YWHAE: variants seen among roughly 807,000 people sequenced by gnomAD.
YWHAE encodes the protein tyrosine 3-monooxygenase/tryptophan 5-monooxygenase activation protein epsilon, also known as 14-3-3 protein epsilon.
A neutral mutation model predicts 30.1 loss-of-function variants in YWHAE; 4 were observed. The ratio of observed to expected loss-of-function variants is 0.13; its 90% CI spans 0.07 to 0.30. YWHAE has a LOEUF of 0.30. Ranked by LOEUF, YWHAE falls within the 10% of genes least tolerant of loss-of-function variation. YWHAE has a pLI of 1.00. For missense variants in YWHAE, 121 were observed against 315.9 expected, an observed-to-expected ratio of 0.38 and a Z score of 4.68; for synonymous variants, 118 against 111.8, an observed-to-expected ratio of 1.06 and a Z score of -0.35.
At chr17:1,368,556 T>A (rs555115033) in intron 1 of YWHAE, among the ~76,000 whole-genome samples, 1 of 75,180 alleles carries the variant, frequency 1.3e-5, no homozygotes, top group South Asian at 5.6e-4. Flanking sequence ...AGAGTGAGAC[T>A]CTGTCTCAAA....
intron 1 of YWHAE, among the ~76,000 whole-genome samples, chr17:1,391,076 T>C (rs1270907130): frequency 6.6e-6 from 1 of 151,164 alleles, no homozygotes; most frequent in African/African-American, 2.4e-5. Flanking sequence ...CTAGGTCTAT[T>C]ATATTTTTAA....
intron 1 of YWHAE, among the ~76,000 whole-genome samples, chr17:1,397,264 G>A (rs1451296293): frequency 6.6e-6 from 1 of 152,134 alleles, no homozygotes; most frequent in Admixed American, 6.6e-5. Context: ...GAAATGCTAA[G>A]AAATAATGGA....
chr17:1,371,683 T>C (rs2073045125), intron 1 of YWHAE, among the ~76,000 whole-genome samples: 1 of 150,100 alleles, frequency 6.7e-6, no homozygotes, highest in African/African-American at 2.5e-5. Flanking sequence ...CTGACTTCTC[T>C]CTAGTTAAGT....
At chr17:1,364,260 T>C (rs1324143761) in intron 2 of YWHAE, among the ~76,000 whole-genome samples, 1 of 150,872 alleles carries the variant, frequency 6.6e-6, no homozygotes, top group East Asian at 1.9e-4. Context: ...AGTCTCGCGC[T>C]CTGTCACCCA....
chr17:1,354,971 T>TTGTTG (rs1221955052), intron 4 of YWHAE, among the ~76,000 whole-genome samples: 2 of 48,866 alleles, frequency 4.1e-5, no homozygotes, highest in Non-Finnish European at 6.6e-5. Flanking sequence ...CTAGTTTTTT[T>TTGTTG]TTTTTTTTTT....
At chr17:1,350,999 C>T (rs1447812677) in intron 5 of YWHAE, among the ~76,000 whole-genome samples, 1 of 151,688 alleles carries the variant, frequency 6.6e-6, no homozygotes, top group Non-Finnish European at 1.5e-5. Flanking sequence ...GCAGAGGTTG[C>T]AGTGAGCCGA....
chr17:1,359,106 A>T (rs569794043), intron 4 of YWHAE, among the ~76,000 whole-genome samples: 229 of 152,108 alleles, frequency 1.5e-3, no homozygotes, highest in Non-Finnish European at 2.7e-3. Context: ...ACTGCACTCC[A>T]GCCTGGGTGA....
intron 1 of YWHAE, among the ~76,000 whole-genome samples, chr17:1,378,077 G>A (rs1277153066): frequency 6.6e-6 from 1 of 152,138 alleles, no homozygotes; most frequent in East Asian, 1.9e-4. Context: ...TTGTTTTTAT[G>A]GTTTGGAGGG....
At chr17:1,383,353 A>C (rs1025619046) in intron 1 of YWHAE, among the ~76,000 whole-genome samples, 1 of 151,960 alleles carries the variant, frequency 6.6e-6, no homozygotes, top group Admixed American at 6.6e-5. Context: ...TCCGTTTAAA[A>C]AAAGAAATGG....
At chr17:1,382,475 G>C (rs1274765523) in intron 1 of YWHAE, among the ~76,000 whole-genome samples, 1 of 150,754 alleles carries the variant, frequency 6.6e-6, no homozygotes, top group Non-Finnish European at 1.5e-5. Context: ...TCCTGCTTCA[G>C]CCTCCCAAGT....
At chr17:1,353,887 C>T (rs2072683363) in intron 5 of YWHAE, among the ~76,000 whole-genome samples, 2 of 152,042 alleles carry the variant, frequency 1.3e-5, no homozygotes, top group South Asian at 2.1e-4. Flanking sequence ...TCATAAATAC[C>T]TACTGATACC....
At chr17:1,369,317 A>G (rs1455294778) in intron 1 of YWHAE, among the ~76,000 whole-genome samples, 1 of 152,064 alleles carries the variant, frequency 6.6e-6, no homozygotes, top group East Asian at 1.9e-4. Context: ...AACATAGTAA[A>G]ACCCCGTCTC....
intron 1 of YWHAE, among the ~76,000 whole-genome samples, chr17:1,386,958 G>C (rs62087957): frequency 1.2e-5 from 1 of 81,340 alleles, no homozygotes; most frequent in Admixed American, 1.4e-4. Context: ...CGTCTCAAAA[G>C]GAAAAAAAAA....
At chr17:1,384,195 C>T (rs1032180991) in intron 1 of YWHAE, among the ~76,000 whole-genome samples, 1 of 152,062 alleles carries the variant, frequency 6.6e-6, no homozygotes, top group African/African-American at 2.4e-5. Flanking sequence ...AAGAGCAAGA[C>T]CCTGTCTCAA....
chr17:1,389,949 A>G (rs2073365293), intron 1 of YWHAE, among the ~76,000 whole-genome samples: 1 of 146,210 alleles, frequency 6.8e-6, no homozygotes, highest in Non-Finnish European at 1.5e-5. Context: ...GTTCAAGCAA[A>G]CCTCCTGCCT....
At chr17:1,384,565 C>T (rs183626820) in intron 1 of YWHAE, among the ~76,000 whole-genome samples, 8 of 152,068 alleles carry the variant, frequency 5.3e-5, no homozygotes, top group Non-Finnish European at 7.4e-5. Context: ...TGGTGGCAGG[C>T]ACCTGTACTC....
intron 5 of YWHAE, among the ~76,000 whole-genome samples, chr17:1,353,514 G>A (rs886608372): frequency 6.6e-6 from 1 of 151,778 alleles, no homozygotes; most frequent in Non-Finnish European, 1.5e-5. Context: ...TGTAATCCCT[G>A]CACTTTGGGA....
At chr17:1,358,387 C>T (rs2072794996) in intron 4 of YWHAE, among the ~76,000 whole-genome samples, 2 of 152,070 alleles carry the variant, frequency 1.3e-5, no homozygotes, top group Admixed American at 6.5e-5. Flanking sequence ...CTACAGGCGC[C>T]CGCCACCACG....
chr17:1,400,164 C>T lies in YWHAE; in HGVS notation c.-54G>A, dbSNP rs150032319. ...CGACGGATGGAAGCGGATAGTGTCT[C>T]CGACTCTCTCAGCCTCTCGCTCCGC... On this transcript the variant is annotated 5_prime_UTR_variant, in exon 1 of 6. Transcript: ENST00000264335. 28 of 1,603,652 alleles carry T rather than the reference C, an allele frequency of 1.7e-5. No homozygotes were observed. Among genetic ancestry groups the T allele is most frequent in the South Asian group, 2.2e-5 (2 of 90,886 alleles).
Sources: gnomAD v4.1 joint callset for allele counts (sites outside exome capture counted in the v4.1 genomes callset) on GRCh38, gnomAD v4.1.1 for gene constraint, MANE v1.5 for transcripts, NCBI Gene and HGNC (gene_info 2026-07-23, HGNC 2026-07-21) for gene names.